Variants in PLPBP observed in about 807,000 individuals in gnomAD.
PLPBP encodes pyridoxal phosphate binding protein.
Under a neutral mutation model 31.2 loss-of-function variants are expected in PLPBP, and 21 were observed. The ratio of observed to expected loss-of-function variants is 0.67; its 90% CI spans 0.48 to 0.97. PLPBP has a LOEUF of 0.97. Ranked by LOEUF, PLPBP falls within the 50% of genes least tolerant of loss-of-function variation. PLPBP has a pLI of 0.00. For missense variants in PLPBP, 308 were observed against 354.4 expected (o/e 0.87, Z 1.05); for synonymous variants, 124 against 135.6 (o/e 0.91, Z 0.59).
Position 37,779,147 on chromosome 8 carries a change from G to C in PLPBP, c.*1043G>C, listed in dbSNP as rs1462680176. ...TAAAGGATAACATAAGGAGGACTTG[G>C]GCCTTTCTGACATCATCCTGAAGAG... On this transcript the variant is annotated 3_prime_UTR_variant, in exon 8 of 8. Coordinates refer to ENST00000328195, the MANE Select transcript of PLPBP (RefSeq NM_007198.4). 2.6e-5 allele frequency: 4 copies of C among 151,996 alleles called. No individual in the cohort carries two copies. Among genetic ancestry groups the C allele is most frequent in the Non-Finnish European group, 1.5e-5 (1 of 68,012 alleles). The allele number at this position is 151,996 out of a possible 1,614,324, so 9.4% of individuals were successfully genotyped here. A position where few individuals can be genotyped will look rare whatever the true frequency, so the allele number is the denominator to read the frequency against.
At position 37,768,465 on chromosome 8, in the gene PLPBP, CTTTTTTT is replaced by C. The variant is rs903134254; in HGVS notation, c.319+2129_319+2135del. Among the ~76,000 whole-genome samples the C allele has an allele frequency of 9.5e-4, 73 of 76,826 alleles. No homozygotes were observed. In the South Asian group the frequency reaches 0.014, roughly 15 times the overall value. 50.4% of individuals were successfully genotyped at this position (76,826 alleles called of 152,430 possible). A position where few individuals can be genotyped will look rare whatever the true frequency, so the allele number is the denominator to read the frequency against. On this transcript the variant is annotated intron_variant, in intron 4 of 7. Coordinates refer to ENST00000328195, the MANE Select transcript of PLPBP (RefSeq NM_007198.4). ...GGTATCTCCTTACAGTTTTGATTTT[CTTTTTTT>C]TTTTTTTTTTTTTTTTTTGAGACGG...
intron 5 of PLPBP, among the ~76,000 whole-genome samples, chr8:37,774,739 T>C (rs757696811): frequency 1.3e-5 from 2 of 152,212 alleles, no homozygotes; most frequent in Non-Finnish European, 2.9e-5. Flanking sequence ...TTAGCTATAA[T>C]ATGCCCTATT....
chr8:37,767,469 T>G (rs1803662446), intron 4 of PLPBP, among the ~76,000 whole-genome samples: 1 of 152,228 alleles, frequency 6.6e-6, no homozygotes, highest in Admixed American at 6.5e-5. Context: ...TTGTCTGACT[T>G]CTTTCATTCA....
chr8:37,775,900 G>A lies in PLPBP; in HGVS notation c.598-18G>A. On this transcript the variant is annotated intron_variant, in intron 6 of 7. Coordinates refer to ENST00000328195, the MANE Select transcript of PLPBP (RefSeq NM_007198.4). ...TAGAGAAGGCAGGAGTAAAATAGGT[G>A]TCATCTCTTTCTGTCAGCTGTTATT... 6.3e-7 allele frequency: 1 copy of A among 1,597,076 alleles called. No homozygotes were observed. The highest frequency in any genetic ancestry group is 8.6e-7 in the Non-Finnish European group (1 of 1,164,754).
At chr8:37,776,997 C>T (rs1040483965) in intron 7 of PLPBP, among the ~76,000 whole-genome samples, 5 of 152,132 alleles carry the variant, frequency 3.3e-5, no homozygotes, top group African/African-American at 1.2e-4. Context: ...GAACTCCTGA[C>T]CTCAGGTAAT....
chr8:37,772,157 A>T (rs1421451479), intron 4 of PLPBP, among the ~76,000 whole-genome samples: 2 of 152,198 alleles, frequency 1.3e-5, no homozygotes, highest in Non-Finnish European at 2.9e-5. Flanking sequence ...GTAAACTGTG[A>T]TAATCTGTCC....
At chr8:37,776,490 A>C (rs1280666601) in intron 7 of PLPBP, among the ~76,000 whole-genome samples, 2 of 150,304 alleles carry the variant, frequency 1.3e-5, no homozygotes, top group African/African-American at 2.4e-5. Flanking sequence ...AAAAAAAAAA[A>C]AAAAAAAAAA....
At chr8:37,767,185 TAGGG>T (rs1341489304) in intron 4 of PLPBP, among the ~76,000 whole-genome samples, 1 of 152,176 alleles carries the variant, frequency 6.6e-6, no homozygotes, top group Non-Finnish European at 1.5e-5. Context: ...ACAGCTTTAT[TAGGG>T]AGGTAAGTGA....
Position 37,777,966 on chromosome 8 carries a change from C to A in PLPBP, c.697-7C>A. 1 of 1,606,966 alleles carries A rather than the reference C, an allele frequency of 6.2e-7. No individual in the cohort carries two copies. Among genetic ancestry groups the A allele is most frequent in the Non-Finnish European group, 8.5e-7 (1 of 1,175,910 alleles). ...TGGTCCTCGATACCTTCTCTTTTTT[C>A]CCACAGGTTGAAGTAGGATCTACAA... On this transcript the variant is annotated splice_polypyrimidine_tract_variant and splice_region_variant and intron_variant, in intron 7 of 7. Coordinates refer to ENST00000328195, the MANE Select transcript of PLPBP (RefSeq NM_007198.4).
chr8:37,773,617 C>T (rs558386646), intron 5 of PLPBP, among the ~76,000 whole-genome samples: 5 of 152,120 alleles, frequency 3.3e-5, no homozygotes, highest in African/African-American at 4.8e-5. Flanking sequence ...TACAGGCACG[C>T]GCTACCACGC....
At position 37,772,855 on chromosome 8, in the gene PLPBP, G is replaced by A. The variant is rs1165753943; in HGVS notation, c.420G>A (p.Lys140=). Residue 140 remains lysine (K), a synonymous_variant, in exon 5 of 8, where the codon AAG becomes AAA. Transcript: ENST00000328195. Reference sequence around the variant, plus strand: ...GAAAAGGTTCTCCTGAAAGGTTAAAGGTTATGGTCCAGATTAACACCAGCG... The same window carrying A: ...GAAAAGGTTCTCCTGAAAGGTTAAAAGTTATGGTCCAGATTAACACCAGCG... ...WQRKGSPERL[K]VMVQINTSGE... is the part of the protein sequence containing the mutation. 2.5e-6 allele frequency: 4 copies of A among 1,614,088 alleles called. No homozygotes were observed. The highest frequency in any genetic ancestry group is 1.3e-5 in the African/African-American group (1 of 74,940).
chr8:37,762,798 T>G, intron 1 of PLPBP, 40 bp downstream of exon 1: 1 of 1,531,670 alleles, frequency 6.5e-7, no homozygotes, highest in Non-Finnish European at 8.7e-7. Flanking sequence ...GGCGGCCGCC[T>G]TGAGAAGAGG....
At chr8:37,767,258 G>A (rs1213093186) in intron 4 of PLPBP, among the ~76,000 whole-genome samples, 1 of 152,046 alleles carries the variant, frequency 6.6e-6, no homozygotes, top group Non-Finnish European at 1.5e-5. Context: ...ATGTATGTTT[G>A]CACCTGTGAA....
rs368949327 is a variant in PLPBP, at chr8:37,775,098, C to T, written c.455-241C>T. The T allele has an allele frequency of 2.3e-5, 8 of 347,606 alleles. No homozygotes were observed. The East Asian group carries it at 2.4e-4, about 10-fold the overall frequency. The allele number at this position is 347,606 out of a possible 1,614,324, so 21.5% of individuals were successfully genotyped here. A position where few individuals can be genotyped will look rare whatever the true frequency, so the allele number is the denominator to read the frequency against. On this transcript the variant is annotated intron_variant, in intron 5 of 7. Coordinates refer to ENST00000328195, the MANE Select transcript of PLPBP (RefSeq NM_007198.4). ...TCTCCTAGCTGTTTTCAGCTGAAAT[C>T]CTGAGATGGAGGAAAGAGAATCCAA...
chr8:37,765,414 C>T, intron 1 of PLPBP, 112 bp from the exon 2 acceptor site: 1 of 983,942 alleles, frequency 1.0e-6, no homozygotes, highest in South Asian at 1.4e-5. Context: ...ATGGATCTTA[C>T]CTAATGCCAA....
In PLPBP at chr8:37,778,934, T is replaced by G. The variant is rs1803987801; in HGVS notation, c.*830T>G. ...TCCTGCCTTAAAAAAAAAAAAAAAA[T>G]CCCAATAGTCCATGAAGGCTTTGAT... is the stretch of plus-strand genomic sequence containing the variant. On this transcript the variant is annotated 3_prime_UTR_variant, in exon 8 of 8. Coordinates refer to ENST00000328195, the MANE Select transcript of PLPBP (RefSeq NM_007198.4). 6.6e-6 allele frequency: 1 copy of G among 150,402 alleles called. No homozygotes were observed. The highest frequency in any genetic ancestry group is 1.5e-5 in the Non-Finnish European group (1 of 67,626). 9.3% of individuals were successfully genotyped at this position (150,402 alleles called of 1,614,324 possible). A position where few individuals can be genotyped will look rare whatever the true frequency, so the allele number is the denominator to read the frequency against.
chr8:37,767,869 G>A (rs1442316978), intron 4 of PLPBP, among the ~76,000 whole-genome samples: 1 of 140,472 alleles, frequency 7.1e-6, no homozygotes, highest in East Asian at 2.1e-4. Context: ...GCAGTGGCGT[G>A]ATCCCGGCTC....
In PLPBP at chr8:37,775,933, C is replaced by T. The variant is rs1384327533; in HGVS notation, c.613C>T (p.Arg205Trp). 10 of 1,613,450 alleles carry T rather than the reference C, an allele frequency of 6.2e-6. No individual in the cohort carries two copies. Among genetic ancestry groups the T allele is most frequent in the Admixed American group, 1.7e-5 (1 of 59,984 alleles). The change falls in exon 7 of 8, where the codon CGG (arginine) becomes TGG (tryptophan). Residue 205 changes from arginine to tryptophan, a missense_variant. Arg to Trp is a moderately radical substitution (Grantham distance 101). Around this residue, in one of 2 missense-constraint regions of PLPBP, gnomAD observed 188 missense variants for 259.3 expected, o/e 0.73. Transcript: ENST00000328195. ...TTTCTGTCAGCTGTTATTGTCCCTC[C>T]GGGAGGAGCTGTGTAAAAAGCTGAA... ...NPDFQLLLSL[R>W]EELCKKLNIP... is the part of the protein sequence containing the mutation.
rs1002033625 is a variant in PLPBP at position 37,778,652 on chromosome 8, A to G, written c.*548A>G. On this transcript the variant is annotated 3_prime_UTR_variant, in exon 8 of 8. Coordinates refer to ENST00000328195, the MANE Select transcript of PLPBP (RefSeq NM_007198.4). ...TAGCTTCAGGAAATGGCTCAGGTTA[A>G]TTCTCAAAACACAAATTGTTGCTGG... The G allele has an allele frequency of 6.6e-6, 1 of 152,320 alleles. No homozygotes were observed. Among genetic ancestry groups the G allele is most frequent in the African/African-American group, 2.4e-5 (1 of 41,428 alleles). The allele number at this position is 152,320 out of a possible 1,614,324, so 9.4% of individuals were successfully genotyped here.
Sources: gnomAD v4.1 joint callset for allele counts (sites outside exome capture counted in the v4.1 genomes callset) on GRCh38, gnomAD v4.1.1 for gene constraint, gnomAD v4.1.1 regional missense constraint, MANE v1.5 for transcripts, NCBI Gene and HGNC (gene_info 2026-07-23, HGNC 2026-07-21) for gene names.